The following CCDC12 variants were observed in gnomAD, a reference collection of about 807,000 sequenced individuals.
CCDC12 encodes the protein coiled-coil domain-containing protein 12.
Under a neutral mutation model 25.7 loss-of-function variants are expected in CCDC12, and 28 were observed. That is an observed-to-expected ratio of 1.09 (90% CI 0.81 to 1.50). The LOEUF is 1.50. Among genes scored for constraint, CCDC12 ranks in the 40% most tolerant of loss-of-function variants. CCDC12 has a pLI of 0.00. For missense variants in CCDC12, 198 were observed against 210.0 expected, an observed-to-expected ratio of 0.94 and a Z score of 0.35; for synonymous variants, 75 against 87.7, an observed-to-expected ratio of 0.86 and a Z score of 0.81.
intron 1 of CCDC12, among the ~76,000 whole-genome samples, chr3:46,975,426 G>A (rs1443044922): frequency 1.3e-5 from 2 of 151,906 alleles, no homozygotes; most frequent in East Asian, 1.9e-4. Context: ...CCATCTGCCC[G>A]CCTGGGCCTC....
At chr3:46,945,486 A>T (rs2107148151) in intron 1 of CCDC12, among the ~76,000 whole-genome samples, 1 of 152,376 alleles carries the variant, frequency 6.6e-6, no homozygotes, top group Middle Eastern at 3.4e-3. Flanking sequence ...GCAGGATTTC[A>T]GGGGGTCTCA....
At chr3:46,977,753 G>A (rs1308696567), upstream of CCDC12, among the ~76,000 whole-genome samples, 5 of 152,146 alleles carry the variant, frequency 3.3e-5, no homozygotes, top group African/African-American at 1.2e-4. Flanking sequence ...CCTTTCCCGG[G>A]GAAGAGCAAA....
At chr3:46,956,993 G>A (rs763727921) in intron 1 of CCDC12, among the ~76,000 whole-genome samples, 13 of 152,218 alleles carry the variant, frequency 8.5e-5, no homozygotes, top group East Asian at 1.9e-4. Context: ...TTATTCTATG[G>A]GCTGCCCAGA....
At chr3:46,938,523 T>G (rs921053404) in intron 2 of CCDC12, among the ~76,000 whole-genome samples, 9 of 143,424 alleles carry the variant, frequency 6.3e-5, no homozygotes, top group East Asian at 4.2e-4. Context: ...CTCCTGTTTT[T>G]TTTTTTTTTT....
At chr3:46,958,672 G>A (rs1238738045) in intron 1 of CCDC12, among the ~76,000 whole-genome samples, 3 of 152,112 alleles carry the variant, frequency 2.0e-5, no homozygotes, top group African/African-American at 7.2e-5. Context: ...CAAGATAAGG[G>A]CAGGGCAAAG....
chr3:46,925,602 T>C, intron 2 of CCDC12, 67 bp from the exon 3 acceptor site: 2 of 1,300,004 alleles, frequency 1.5e-6, no homozygotes, highest in Non-Finnish European at 2.1e-6. Flanking sequence ...CATTCATTCA[T>C]ACAATTTGCA....
chr3:46,931,396 A>C (rs1194321370), intron 2 of CCDC12, among the ~76,000 whole-genome samples: 1 of 152,196 alleles, frequency 6.6e-6, no homozygotes, highest in Non-Finnish European at 1.5e-5. Context: ...AGAGTTCTAG[A>C]ATGGCGAAAT....
intron 4 of CCDC12, 34 bp downstream of exon 4, chr3:46,923,573 G>A: frequency 2.5e-6 from 4 of 1,595,656 alleles, no homozygotes; most frequent in Non-Finnish European, 3.4e-6. Flanking sequence ...ACACACAGAA[G>A]CAGCGAGGAT....
At chr3:46,960,926 A>G (rs930613675) in intron 1 of CCDC12, among the ~76,000 whole-genome samples, 6 of 151,862 alleles carry the variant, frequency 4.0e-5, no homozygotes, top group African/African-American at 1.5e-4. Context: ...GTATTGGTGT[A>G]AAGGGGTTGG....
At chr3:46,931,185 T>G (rs2107116392) in intron 2 of CCDC12, among the ~76,000 whole-genome samples, 1 of 152,322 alleles carries the variant, frequency 6.6e-6, no homozygotes, top group Admixed American at 6.5e-5. Context: ...CAAGTTTGCA[T>G]TCCATAGAGT....
At chr3:46,944,442 G>T (rs371076560) in intron 1 of CCDC12, among the ~76,000 whole-genome samples, 8 of 152,100 alleles carry the variant, frequency 5.3e-5, no homozygotes, top group Non-Finnish European at 4.4e-5. Flanking sequence ...GGCCCTGCTG[G>T]ACACTCAGTA....
At chr3:46,962,091 GA>G (rs1320067005) in intron 1 of CCDC12, among the ~76,000 whole-genome samples, 5 of 151,988 alleles carry the variant, frequency 3.3e-5, no homozygotes, top group Non-Finnish European at 5.9e-5. Context: ...AAAGATATTA[GA>G]AAAAAATGAT....
chr3:46,964,601 G>A (rs997059846), intron 1 of CCDC12, among the ~76,000 whole-genome samples: 1 of 152,184 alleles, frequency 6.6e-6, no homozygotes, highest in African/African-American at 2.4e-5. Flanking sequence ...ATTTTGTTCT[G>A]TACTAAGAAA....
chr3:46,923,747 C>A, intron 3 of CCDC12, 79 bp from the exon 4 acceptor site: 1 of 1,233,354 alleles, frequency 8.1e-7, no homozygotes, highest in Non-Finnish European at 1.1e-6. Context: ...CCGTGGCCCC[C>A]AGGGAGAGAC....
chr3:46,957,962 C>CACACACACAT (rs1452066868), intron 1 of CCDC12, among the ~76,000 whole-genome samples: 1 of 91,860 alleles, frequency 1.1e-5, no homozygotes, highest in Non-Finnish European at 2.3e-5. Flanking sequence ...AAAATAAATA[C>CACACACACAT]ACACACACAC....
intron 2 of CCDC12, among the ~76,000 whole-genome samples, chr3:46,927,054 G>A (rs924294653): frequency 2.0e-5 from 3 of 152,194 alleles, no homozygotes; most frequent in African/African-American, 7.2e-5. Flanking sequence ...CCTGCTTCCT[G>A]CCCCCAGCTT....
chr3:46,979,145 C>T (rs1172972063), upstream of CCDC12, among the ~76,000 whole-genome samples: 1 of 152,194 alleles, frequency 6.6e-6, no homozygotes, highest in African/African-American at 2.4e-5. Flanking sequence ...CCCGTGGCAA[C>T]GGTCTAAGCC....
chr3:46,958,901 C>T (rs1220286302), intron 1 of CCDC12, among the ~76,000 whole-genome samples: 1 of 152,140 alleles, frequency 6.6e-6, no homozygotes, highest in Non-Finnish European at 1.5e-5. Flanking sequence ...CAGCATCAGG[C>T]ACCCCAGTAT....
At chr3:46,946,642 C>T (rs761231920) in intron 1 of CCDC12, among the ~76,000 whole-genome samples, 17 of 152,346 alleles carry the variant, frequency 1.1e-4, no homozygotes, top group Non-Finnish European at 1.6e-4. Context: ...ACACCCTGAA[C>T]GGGCACTGTG....
Sources: allele counts gnomAD v4.1 joint callset (sites outside exome capture counted in the v4.1 genomes callset), GRCh38; gene constraint gnomAD v4.1.1; transcripts MANE v1.5; gene names NCBI Gene and HGNC (gene_info 2026-07-23, HGNC 2026-07-21).